Variants in COL25A1 observed in about 807,000 individuals in gnomAD.
COL25A1 encodes collagen alpha-1(XXV) chain.
A neutral mutation model predicts 128.4 loss-of-function variants in COL25A1; 103 were observed. The observed-to-expected ratio is 0.80, with a 90% CI of 0.68 to 0.94. The LOEUF (loss-of-function observed/expected upper bound fraction) is 0.94. Ranked by LOEUF, COL25A1 falls within the 40% of genes least tolerant of loss-of-function variation. The probability of loss-of-function intolerance (pLI) is 0.00; values close to 1 mark genes in which losing one functional copy is unlikely to be tolerated. For synonymous variants in COL25A1, 279 were observed against 277.2 expected (o/e 1.01, Z -0.06); for missense variants, 745 against 840.0 (o/e 0.89, Z 1.40).
At chr4:109,064,138 T>C (rs1319792853) in intron 3 of COL25A1, among the ~76,000 whole-genome samples, 2 of 152,214 alleles carry the variant, frequency 1.3e-5, no homozygotes, top group Non-Finnish European at 2.9e-5. Context: ...TCGGTGGTAC[T>C]ATTTACATAT....
At chr4:109,241,483 CAT>C (rs1387097905) in intron 3 of COL25A1, among the ~76,000 whole-genome samples, 1 of 151,876 alleles carries the variant, frequency 6.6e-6, no homozygotes, top group Non-Finnish European at 1.5e-5. Context: ...TCTACGAAGT[CAT>C]ATATACACCA....
chr4:109,062,774 A>G (rs553739620), intron 3 of COL25A1, among the ~76,000 whole-genome samples: 25 of 152,306 alleles, frequency 1.6e-4, no homozygotes, highest in African/African-American at 5.5e-4. Context: ...TTAGACAATC[A>G]TTATTAAGAA....
At chr4:109,243,987 A>G (rs2126234314) in intron 3 of COL25A1, among the ~76,000 whole-genome samples, 1 of 152,238 alleles carries the variant, frequency 6.6e-6, no homozygotes, top group South Asian at 2.1e-4. Flanking sequence ...AAAACAGTCT[A>G]GTAGATAAAG....
chr4:108,853,063 G>A, intron 24 of COL25A1, 138 bp from the exon 25 acceptor site: 1 of 671,042 alleles, frequency 1.5e-6, no homozygotes, highest in South Asian at 2.1e-5. Context: ...AAGATACTGA[G>A]AACATATTAC....
At chr4:108,995,995 T>C (rs1579023194) in intron 6 of COL25A1, among the ~76,000 whole-genome samples, 1 of 152,192 alleles carries the variant, frequency 6.6e-6, no homozygotes, top group South Asian at 2.1e-4. Context: ...GAACAACCGG[T>C]ACCAGCCACT....
At chr4:108,901,322 C>A in intron 13 of COL25A1, 150 bp from the exon 14 acceptor site, 1 of 623,130 alleles carries the variant, frequency 1.6e-6, no homozygotes, top group Non-Finnish European at 2.8e-6. Flanking sequence ...CTTCCATGGT[C>A]CAAAACGCTG....
chr4:108,914,025 AT>A (rs548635938), intron 13 of COL25A1, among the ~76,000 whole-genome samples: 4 of 152,224 alleles, frequency 2.6e-5, no homozygotes, highest in Non-Finnish European at 4.4e-5. Flanking sequence ...GGAGAATTAC[AT>A]TATTTTTGTG....
intron 3 of COL25A1, among the ~76,000 whole-genome samples, chr4:109,086,393 T>C (rs542763830): frequency 3.5e-4 from 53 of 152,336 alleles, no homozygotes; most frequent in African/African-American, 1.2e-3. Flanking sequence ...GATGCCAATT[T>C]GTCTAGTAAT....
At chr4:108,887,625 G>T (rs1740985446) in intron 18 of COL25A1, among the ~76,000 whole-genome samples, 1 of 152,072 alleles carries the variant, frequency 6.6e-6, no homozygotes, top group Admixed American at 6.6e-5. Flanking sequence ...GTTTAAAACT[G>T]GTTTTTAGTG....
chr4:109,031,117 A>G (rs889301677), intron 5 of COL25A1, among the ~76,000 whole-genome samples: 2 of 151,262 alleles, frequency 1.3e-5, no homozygotes, highest in Non-Finnish European at 2.9e-5. Context: ...TTCAATAATT[A>G]TATGCCATAT....
chr4:108,893,112 A>C (rs1017570575), intron 16 of COL25A1, among the ~76,000 whole-genome samples: 5 of 152,218 alleles, frequency 3.3e-5, no homozygotes, highest in Non-Finnish European at 7.3e-5. Flanking sequence ...ACGCATTTTC[A>C]TACTTCATAC....
At chr4:109,236,219 T>G (rs1779471453) in intron 3 of COL25A1, among the ~76,000 whole-genome samples, 1 of 152,106 alleles carries the variant, frequency 6.6e-6, no homozygotes, top group South Asian at 2.1e-4. Context: ...TAATATCACT[T>G]TAAATTAGAA....
chr4:108,928,347 CT>C (rs1452354931), intron 11 of COL25A1, among the ~76,000 whole-genome samples: 5 of 152,034 alleles, frequency 3.3e-5, no homozygotes, highest in Non-Finnish European at 5.9e-5. Flanking sequence ...TGTTTTCTAC[CT>C]AGATGGATCT....
intron 5 of COL25A1, among the ~76,000 whole-genome samples, chr4:109,026,619 C>T (rs1007132606): frequency 3.3e-5 from 5 of 152,112 alleles, no homozygotes; most frequent in African/African-American, 9.7e-5. Context: ...TGTGTGCCGA[C>T]GATTTGCTAG....
At chr4:109,200,802 T>A (rs940244982) in intron 3 of COL25A1, among the ~76,000 whole-genome samples, 1 of 152,142 alleles carries the variant, frequency 6.6e-6, no homozygotes, top group Non-Finnish European at 1.5e-5. Flanking sequence ...TATTTCTCTA[T>A]GTGTAAGTAT....
chr4:108,949,920 A>G (rs1205046527), intron 8 of COL25A1, among the ~76,000 whole-genome samples: 1 of 152,156 alleles, frequency 6.6e-6, no homozygotes, highest in Non-Finnish European at 1.5e-5. Context: ...CAATCACACA[A>G]TGACCAAGGC....
intron 3 of COL25A1, among the ~76,000 whole-genome samples, chr4:109,113,875 CTAAG>C (rs1413205346): frequency 1.3e-5 from 2 of 152,038 alleles, no homozygotes; most frequent in African/African-American, 4.8e-5. Flanking sequence ...ATGAAATTAA[CTAAG>C]TAACTTAGCA....
intron 3 of COL25A1, among the ~76,000 whole-genome samples, chr4:109,102,358 T>C (rs1333375042): frequency 6.6e-6 from 1 of 152,144 alleles, no homozygotes; most frequent in African/African-American, 2.4e-5. Flanking sequence ...TTCATTATGG[T>C]CAGATATTTC....
chr4:108,914,264 A>C (rs1744604418), intron 13 of COL25A1, among the ~76,000 whole-genome samples: 1 of 152,196 alleles, frequency 6.6e-6, no homozygotes, highest in Admixed American at 6.5e-5. Flanking sequence ...ACTTAGAGAT[A>C]AATTGGTACA....
Sources: gnomAD v4.1 joint callset for allele counts (sites outside exome capture counted in the v4.1 genomes callset) on GRCh38, gnomAD v4.1.1 for gene constraint, MANE v1.5 for transcripts, NCBI Gene and HGNC (gene_info 2026-07-23, HGNC 2026-07-21) for gene names.